Variants in PADI4 observed in about 807,000 individuals in gnomAD.
PADI4 encodes the protein protein-arginine deiminase type-4.
PADI4 carries 62 observed loss-of-function variants against 75.0 expected under a neutral mutation model. The observed-to-expected ratio is 0.83, with a 90% confidence interval of 0.67 to 1.02. The LOEUF is 1.02. Ranked by LOEUF, PADI4 falls within the 50% of genes least tolerant of loss-of-function variation. The probability of loss-of-function intolerance (pLI) is 0.00; values close to 1 mark genes in which losing one functional copy is unlikely to be tolerated. For missense variants in PADI4, 845 were observed against 850.5 expected, an observed-to-expected ratio of 0.99 and a Z score of 0.08; for synonymous variants, 361 against 348.1, an observed-to-expected ratio of 1.04 and a Z score of -0.41.
In PADI4 at chr1:17,359,560, C is replaced by T. The variant is rs564490647; in HGVS notation, c.1758+152C>T. ...CTGAGTGGTACAAGGTCAGACGTGA[C>T]CAGGTCCATGCACGTTGGTGTCTTT... On this transcript the variant is annotated intron_variant, in intron 15 of 15. Coordinates refer to ENST00000375448, the MANE Select transcript of PADI4 (RefSeq NM_012387.3). The T allele has an allele frequency of 1.1e-3, 1,077 of 974,180 alleles. 4 individuals carry two copies. The highest frequency in any genetic ancestry group is 6.7e-3 in the Middle Eastern group (21 of 3,148). The allele number at this position is 974,180 out of a possible 1,614,324, so 60.3% of individuals were successfully genotyped here. A position where few individuals can be genotyped will look rare whatever the true frequency, so the allele number is the denominator to read the frequency against.
At chr1:17,359,217 T>TGG in intron 14 of PADI4, 63 bp from the exon 15 acceptor site, 1 of 647,808 alleles carries the variant, frequency 1.5e-6, no homozygotes. Flanking sequence ...CCCCACACTG[T>TGG]CCCCCACCCC....
At position 17,358,546 on chromosome 1, in the gene PADI4, C is replaced by A. The variant is rs1219035707; in HGVS notation, c.1559-292C>A. On this transcript the variant is annotated intron_variant, in intron 13 of 15. Transcript: ENST00000375448. ...TTGCGCCACTGCACTCCAGCCTGGACGACAGCGAGACTCCGTCTCAAAAAA... is the reference window on the plus strand; with the variant it reads ...TTGCGCCACTGCACTCCAGCCTGGAAGACAGCGAGACTCCGTCTCAAAAAA... 1.0e-3 allele frequency among the ~76,000 whole-genome samples: 22 copies of A among 21,966 alleles called. 11 individuals are homozygous for A. Among genetic ancestry groups the A allele is most frequent in the Admixed American group, 8.1e-3 (22 of 2,714 alleles). The allele number at this position is 21,966 out of a possible 152,430, so 14.4% of individuals were successfully genotyped here.
intron 1 of PADI4, among the ~76,000 whole-genome samples, chr1:17,316,802 G>A (rs569136705): frequency 2.0e-4 from 30 of 150,910 alleles, no homozygotes; most frequent in Non-Finnish European, 3.8e-4. Flanking sequence ...CCTGCCCCGC[G>A]CCCAGCTTCT....
rs377378143 is a variant in PADI4 at position 17,342,061 on chromosome 1, G to A, written c.771G>A (p.Pro257=). The A allele has an allele frequency of 3.3e-5, 53 of 1,613,940 alleles. No homozygotes were observed. In the East Asian group the frequency reaches 4.5e-4, roughly 14 times the overall value. The change falls in exon 7 of 16, where the codon CCG becomes CCA. Residue 257 remains proline (P), a synonymous_variant. Transcript: ENST00000375448. ...TCTACGTGGAGGCCCTCGCTTTCCC[G>A]GACACCGACTTCCCGGGGCTCATTA... The part of the protein sequence containing the change: ...MDFYVEALAF[P]DTDFPGLITL...
chr1:17,312,788 G>A (rs915391885), intron 1 of PADI4, among the ~76,000 whole-genome samples: 7 of 151,282 alleles, frequency 4.6e-5, no homozygotes, highest in East Asian at 1.9e-4. Context: ...AACAGAACTG[G>A]TTCACGGGAA....
chr1:17,316,343 G>A (rs573246523), intron 1 of PADI4, among the ~76,000 whole-genome samples: 17 of 149,476 alleles, frequency 1.1e-4, no homozygotes, highest in Admixed American at 4.7e-4. Context: ...GCTGTGAGCC[G>A]AGATCACACC....
At chr1:17,335,410 T>C (rs933290198) in intron 3 of PADI4, among the ~76,000 whole-genome samples, 3 of 151,976 alleles carry the variant, frequency 2.0e-5, no homozygotes, top group Admixed American at 6.5e-5. Context: ...ATGCAATTGG[T>C]TAGTGAAGGA....
chr1:17,353,070 A>T (rs570838153), intron 10 of PADI4, among the ~76,000 whole-genome samples: 1 of 152,182 alleles, frequency 6.6e-6, no homozygotes, highest in Non-Finnish European at 1.5e-5. Flanking sequence ...CCATGTGTTC[A>T]TGGAGACCTG....
Position 17,342,385 on chromosome 1 carries a change from G to A in PADI4, c.918G>A (p.Gln306=). The A allele has an allele frequency of 6.2e-7, 1 of 1,612,346 alleles. No individual in the cohort carries two copies. The highest frequency in any genetic ancestry group is 8.5e-7 in the Non-Finnish European group (1 of 1,178,404). The change falls in exon 8 of 16, where the codon CAG becomes CAA. Residue 306 remains glutamine, a synonymous_variant. Coordinates refer to ENST00000375448, the MANE Select transcript of PADI4 (RefSeq NM_012387.3). ...WIMTPNTQPP[Q]EVYACSIFEN... ...TGACCCCCAACACCCAGCCCCCGCAGGAGGTGTACGCGTGCAGGTGAGAGG... is the reference window on the plus strand; with the variant it reads ...TGACCCCCAACACCCAGCCCCCGCAAGAGGTGTACGCGTGCAGGTGAGAGG...
At chr1:17,313,026 C>T (rs1259764308) in intron 1 of PADI4, among the ~76,000 whole-genome samples, 2 of 151,900 alleles carry the variant, frequency 1.3e-5, no homozygotes, top group East Asian at 3.9e-4. Context: ...CCTGTCTCTA[C>T]TAAAAATACA....
At chr1:17,312,486 T>C (rs1435731339) in intron 1 of PADI4, among the ~76,000 whole-genome samples, 5 of 144,946 alleles carry the variant, frequency 3.4e-5, no homozygotes, top group South Asian at 2.2e-4. Flanking sequence ...AAAGTGGGTA[T>C]TGGGGCAAAG....
intron 8 of PADI4, among the ~76,000 whole-genome samples, chr1:17,344,672 G>T (rs1191290077): frequency 6.6e-6 from 1 of 150,860 alleles, no homozygotes; most frequent in Non-Finnish European, 1.5e-5. Context: ...GGCTTCAGAG[G>T]GTGGAAGCCC....
chr1:17,314,609 A>T (rs868515979), intron 1 of PADI4, among the ~76,000 whole-genome samples: 34 of 152,156 alleles, frequency 2.2e-4, no homozygotes, highest in African/African-American at 7.5e-4. Context: ...GGTCGACGTG[A>T]TTCCCATTTT....
intron 14 of PADI4, 63 bp from the exon 15 acceptor site, chr1:17,359,217 T>TGCCCCCCCCCCCC: frequency 1.5e-5 from 10 of 647,798 alleles, no homozygotes; most frequent in East Asian, 9.1e-5. Flanking sequence ...CCCCACACTG[T>TGCCCCCCCCCCCC]CCCCCACCCC....
chr1:17,353,140 G>A (rs1475710367), intron 10 of PADI4, among the ~76,000 whole-genome samples: 2 of 152,132 alleles, frequency 1.3e-5, no homozygotes, highest in Non-Finnish European at 2.9e-5. Context: ...GAGAGAAGTG[G>A]AGAGAGGAAC....
In PADI4 at chr1:17,358,290, G is replaced by A. The variant is rs1570099274; in HGVS notation, c.1559-548G>A. ...ACACTATAAAAATATATTTTAGGCC[G>A]GGCGCGGTGGCTCACGCCTGTAATC... is the stretch of plus-strand genomic sequence containing the variant. On this transcript the variant is annotated intron_variant, in intron 13 of 15. Coordinates refer to ENST00000375448, the MANE Select transcript of PADI4 (RefSeq NM_012387.3). Among the ~76,000 whole-genome samples the A allele has an allele frequency of 3.1e-5, 2 of 63,878 alleles. 1 individual carries two copies. Among genetic ancestry groups the A allele is most frequent in the Admixed American group, 2.5e-4 (2 of 7,912 alleles). The allele number at this position is 63,878 out of a possible 152,430, so 41.9% of individuals were successfully genotyped here. A position where few individuals can be genotyped will look rare whatever the true frequency, so the allele number is the denominator to read the frequency against.
intron 6 of PADI4, among the ~76,000 whole-genome samples, chr1:17,340,049 C>T (rs558136744): frequency 1.1e-4 from 10 of 89,808 alleles, no homozygotes; most frequent in East Asian, 3.7e-4. Flanking sequence ...CACACACGCG[C>T]GCGCACACAC....
rs1308941381 is a variant in PADI4, at chr1:17,339,748, A to G, written c.587A>G (p.Asn196Ser). Residue 196 changes from asparagine to serine, a missense_variant, in exon 6 of 16, where the codon AAC becomes AGC. Coordinates refer to ENST00000375448, the MANE Select transcript of PADI4 (RefSeq NM_012387.3). ...STKTPKDFFTNHTLVLHVARS... is the reference protein window; with the variant it reads ...STKTPKDFFTSHTLVLHVARS... ...AAGACCCCCAAGGACTTCTTCACAA[A>G]CCATACACTGGTGCTCCACGTGGCC... 7 of 1,614,030 alleles carry G rather than the reference A, an allele frequency of 4.3e-6. No individual in the cohort carries two copies.
chr1:17,330,860 C>G, intron 1 of PADI4, 109 bp from the exon 2 acceptor site: 1 of 709,998 alleles, frequency 1.4e-6, no homozygotes, highest in Non-Finnish European at 2.3e-6. Context: ...TCAGTCCAAA[C>G]AAGCTGACAC....
Sources: gnomAD v4.1 joint callset for allele counts (sites outside exome capture counted in the v4.1 genomes callset) on GRCh38, gnomAD v4.1.1 for gene constraint, MANE v1.5 for transcripts, NCBI Gene and HGNC (gene_info 2026-07-23, HGNC 2026-07-21) for gene names.